The following UCK1 variants were observed in gnomAD, a reference collection of about 807,000 sequenced individuals.
UCK1 encodes the protein cytidine monophosphokinase 1.
A neutral mutation model predicts 34.0 loss-of-function variants in UCK1; 20 were observed. The ratio of observed to expected loss-of-function variants is 0.59; its 90% CI spans 0.41 to 0.86. The LOEUF is 0.86. Among genes scored for constraint, UCK1 ranks in the 40% least tolerant of loss-of-function variants. The pLI is 0.00. For missense variants in UCK1, 343 were observed against 383.6 expected, an observed-to-expected ratio of 0.89 and a Z score of 0.88; for synonymous variants, 168 against 155.9, an observed-to-expected ratio of 1.08 and a Z score of -0.58.
Position 131,524,841 on chromosome 9 carries a change from C to T in UCK1, c.*199G>A. 1 of 618,676 alleles carries T rather than the reference C, an allele frequency of 1.6e-6. No individual in the cohort carries two copies. The highest frequency in any genetic ancestry group is 2.7e-6 in the Non-Finnish European group (1 of 370,510). The allele number at this position is 618,676 out of a possible 1,614,324, so 38.3% of individuals were successfully genotyped here. A position where few individuals can be genotyped will look rare whatever the true frequency, so the allele number is the denominator to read the frequency against. The stretch of plus-strand genomic sequence containing the variant: ...AACGAGCCTAAGTGGCTGAAAACCT[C>T]AGGAACGCCTGTCAGTGTCCCAGCA... On this transcript the variant is annotated 3_prime_UTR_variant, in exon 7 of 7. Transcript: ENST00000372215.
intron 1 of UCK1, 55 bp downstream of exon 1, chr9:131,531,012 G>A (rs557267671): frequency 2.7e-4 from 350 of 1,306,622 alleles, no homozygotes; most frequent in Non-Finnish European, 3.1e-4. Context: ...TCTCTGGACC[G>A]GGCCGCCCGT....
At chr9:131,526,255 C>T in intron 5 of UCK1, 1 of 671,252 alleles carries the variant, frequency 1.5e-6, no homozygotes, top group Non-Finnish European at 2.5e-6. Flanking sequence ...CCAGTGTTCC[C>T]ACTCCATTAC....
intron 5 of UCK1, chr9:131,528,742 T>C (rs1950707514): frequency 3.1e-6 from 2 of 649,230 alleles, no homozygotes; most frequent in African/African-American, 3.7e-5. Context: ...ATGGGGCTTT[T>C]TTAGGCAGAG....
chr9:131,529,680 T>G, intron 2 of UCK1, 96 bp from the exon 3 acceptor site: 1 of 1,119,582 alleles, frequency 8.9e-7, no homozygotes. Flanking sequence ...AGCTGGGTGC[T>G]GGGGACACCG....
In UCK1 at chr9:131,524,979, C is replaced by T. The variant is rs150900763; in HGVS notation, c.*61G>A. On this transcript the variant is annotated 3_prime_UTR_variant, in exon 7 of 7. Transcript: ENST00000372215. The stretch of plus-strand genomic sequence containing the variant: ...AGCAGTGGGTGTGGGTGGGCGTCCC[C>T]AGGCTCAGTCCCTGAACACACATGC... The T allele has an allele frequency of 4.3e-3, 6,680 of 1,561,300 alleles. 17 individuals are homozygous for T. Among genetic ancestry groups the T allele is most frequent in the Non-Finnish European group, 5.4e-3 (6,205 of 1,151,036 alleles).
intron 5 of UCK1, among the ~76,000 whole-genome samples, chr9:131,527,892 T>A (rs1018086518): frequency 2.0e-5 from 3 of 150,212 alleles, no homozygotes; most frequent in African/African-American, 4.9e-5. Flanking sequence ...AAATAAAATT[T>A]AAAAAAAGGC....
chr9:131,529,414 G>T (rs957681037), intron 3 of UCK1, 74 bp downstream of exon 3: 4 of 1,605,698 alleles, frequency 2.5e-6, no homozygotes, highest in Non-Finnish European at 3.4e-6. Flanking sequence ...CTGCCGCCAG[G>T]CAGGTCTGTG....
rs779955871 is a variant in UCK1, at chr9:131,525,241, A to G, written c.653-20T>C. On this transcript the variant is annotated intron_variant, in intron 6 of 6. Transcript: ENST00000372215. ...TGGCAACTGCGCCAAGAGACAGACAAGCAGCGGGTTAGCCGCATCCATCCT... is the reference window on the plus strand; with the variant it reads ...TGGCAACTGCGCCAAGAGACAGACAGGCAGCGGGTTAGCCGCATCCATCCT... 6.2e-7 allele frequency: 1 copy of G among 1,612,830 alleles called. No homozygotes were observed. The highest frequency in any genetic ancestry group is 8.5e-7 in the Non-Finnish European group (1 of 1,179,910).
chr9:131,524,691 A>G lies in UCK1; in HGVS notation c.*349T>C, dbSNP rs1950514410. On this transcript the variant is annotated 3_prime_UTR_variant, in exon 7 of 7. Transcript: ENST00000372215. ...TTCACTGTCAACAAAACATCAGGCCAGCCAGTGTCTAGGCTGTCTCCTCAA... is the reference window on the plus strand; with the variant it reads ...TTCACTGTCAACAAAACATCAGGCCGGCCAGTGTCTAGGCTGTCTCCTCAA... 1 of 225,824 alleles carries G rather than the reference A, an allele frequency of 4.4e-6. No homozygotes were observed. The highest frequency in any genetic ancestry group is 8.6e-6 in the Non-Finnish European group (1 of 116,226). 14.0% of individuals were successfully genotyped at this position (225,824 alleles called of 1,614,324 possible).
In UCK1 at chr9:131,525,383, A is replaced by G. The variant is rs557262495; in HGVS notation, c.653-162T>C. 8.5e-5 allele frequency among the ~76,000 whole-genome samples: 13 copies of G among 152,378 alleles called. 1 individual carries two copies. The East Asian group carries it at 2.5e-3, about 29-fold the overall frequency. On this transcript the variant is annotated intron_variant, in intron 6 of 6. Coordinates refer to ENST00000372215, the MANE Select transcript of UCK1 (RefSeq NM_031432.5). ...CAAATCTCAGCAGACAGAAACATGC[A>G]TCAGGACACAGCAAAATAAGACTTC...
Position 131,529,030 on chromosome 9 carries a change from C to A in UCK1, c.517G>T (p.Asp173Tyr), listed in dbSNP as rs773847625. The change falls in exon 5 of 7, where the codon GAC becomes TAC. Residue 173 changes from aspartate (D) to tyrosine (Y), a missense_variant. By Grantham distance (160) the Asp-to-Tyr change is radical. Transcript: ENST00000372215. ...DVRLSRRVLR[D>Y]VRRGRDLEQI... is the part of the protein sequence containing the mutation. ...TCCAGGTCCCTCCCTCGGCGCACGT[C>A]CCGGAGAACTGCAGCGGCAAGGGGC... 1.2e-6 allele frequency: 2 copies of A among 1,613,944 alleles called. No individual in the cohort carries two copies. The highest frequency in any genetic ancestry group is 2.7e-5 in the African/African-American group (2 of 74,934).
chr9:131,526,822 A>G (rs1342974561), intron 5 of UCK1, among the ~76,000 whole-genome samples: 1 of 152,236 alleles, frequency 6.6e-6, no homozygotes, highest in East Asian at 1.9e-4. Context: ...TCATGAAAGC[A>G]CGAGCGCAAG....
chr9:131,526,246 C>T (rs952706547), intron 5 of UCK1: 1 of 666,004 alleles, frequency 1.5e-6, no homozygotes, highest in Non-Finnish European at 2.5e-6. Flanking sequence ...AGCCCCCTTC[C>T]AGTGTTCCCA....
Position 131,529,109 on chromosome 9 carries a change from A to C in UCK1, c.508+19T>G. 3 of 1,613,298 alleles carry C rather than the reference A, an allele frequency of 1.9e-6. No individual in the cohort carries two copies. Among genetic ancestry groups the C allele is most frequent in the Non-Finnish European group, 2.5e-6 (3 of 1,179,746 alleles). The stretch of plus-strand genomic sequence containing the variant: ...GCCAGCCTCGGCCAGGCAGGCACGG[A>C]GGCCCGCGGCCGCCTTACCTCTTCG... On this transcript the variant is annotated intron_variant, in intron 4 of 6. Coordinates refer to ENST00000372215, the MANE Select transcript of UCK1 (RefSeq NM_031432.5).
In UCK1 at chr9:131,530,419, G is replaced by A; in HGVS notation, c.268+67C>T. 3 of 1,590,324 alleles carry A rather than the reference G, an allele frequency of 1.9e-6. No homozygotes were observed. The South Asian group carries it at 3.3e-5, about 18-fold the overall frequency. ...TGCATCCATCCAACCTTGGGCCCAAGCGCAGCTGGTTAGCGGCCGCCCAGA... is the reference window on the plus strand; with the variant it reads ...TGCATCCATCCAACCTTGGGCCCAAACGCAGCTGGTTAGCGGCCGCCCAGA... On this transcript the variant is annotated intron_variant, in intron 2 of 6. Coordinates refer to ENST00000372215, the MANE Select transcript of UCK1 (RefSeq NM_031432.5).
chr9:131,524,819 G>A lies in UCK1; in HGVS notation c.*221C>T, dbSNP rs148350493. ...CCTAGAGGGATCTTTAAACCGCAAC[G>A]AGCCTAAGTGGCTGAAAACCTCAGG... On this transcript the variant is annotated 3_prime_UTR_variant, in exon 7 of 7. Coordinates refer to ENST00000372215, the MANE Select transcript of UCK1 (RefSeq NM_031432.5). 34 of 545,928 alleles carry A rather than the reference G, an allele frequency of 6.2e-5. No homozygotes were observed. In the Middle Eastern group the frequency reaches 1.4e-3, roughly 23 times the overall value. The allele number at this position is 545,928 out of a possible 1,614,324, so 33.8% of individuals were successfully genotyped here. A position where few individuals can be genotyped will look rare whatever the true frequency, so the allele number is the denominator to read the frequency against.
intron 5 of UCK1, chr9:131,526,423 A>G: frequency 7.7e-7 from 1 of 1,292,816 alleles, no homozygotes; most frequent in Non-Finnish European, 1.0e-6. Context: ...TACTGCAGGC[A>G]GAGACGCTGA....
rs539030488 is a variant in UCK1 at position 131,530,558 on chromosome 9, T to G, written c.196A>C (p.Arg66=). The G allele has an allele frequency of 6.2e-7, 1 of 1,614,258 alleles. No individual in the cohort carries two copies. Among genetic ancestry groups the G allele is most frequent in the Non-Finnish European group, 8.5e-7 (1 of 1,180,040 alleles). ...TCTGCCGTCAGGACCTTGTAGAACC[T>G]GTCCTGGCTCAGGATGACCACCTTC... is the stretch of plus-strand genomic sequence containing the variant. ...QRKVVILSQD[R]FYKVLTAEQK... The change falls in exon 2 of 7, where the codon AGG becomes CGG. Residue 66 remains arginine, a synonymous_variant. Transcript: ENST00000372215.
At position 131,526,674 on chromosome 9, in the gene UCK1, G is replaced by A. The variant is rs548540370; in HGVS notation, c.604-697C>T. ...GAAGAGGGAGGGCAGGGTCTGGGCC[G>A]AAGGACGGAACTTGGAACGGTGCGT... On this transcript the variant is annotated intron_variant, in intron 5 of 6. Coordinates refer to ENST00000372215, the MANE Select transcript of UCK1 (RefSeq NM_031432.5). 3.3e-5 allele frequency among the ~76,000 whole-genome samples: 5 copies of A among 152,286 alleles called. No homozygotes were observed. The East Asian group carries it at 5.8e-4, about 18-fold the overall frequency.
Sources: gnomAD v4.1 joint callset for allele counts (sites outside exome capture counted in the v4.1 genomes callset) on GRCh38, gnomAD v4.1.1 for gene constraint, MANE v1.5 for transcripts, NCBI Gene and HGNC (gene_info 2026-07-23, HGNC 2026-07-21) for gene names.